CNTRL: variants seen among roughly 807,000 people sequenced by gnomAD.
CNTRL encodes 110 kDa centrosomal protein.
In CNTRL, 233 loss-of-function variants were observed where a neutral mutation model predicts 303.7. The observed-to-expected ratio is 0.77, with a 90% CI of 0.69 to 0.86. The LOEUF (loss-of-function observed/expected upper bound fraction) is 0.86. Among genes scored for constraint, CNTRL ranks in the 40% least tolerant of loss-of-function variants. The probability of loss-of-function intolerance (pLI) is 0.00; values close to 1 mark genes in which losing one functional copy is unlikely to be tolerated. For missense variants in CNTRL, 2,524 were observed against 2,650.6 expected, an observed-to-expected ratio of 0.95 and a Z score of 1.05; for synonymous variants, 900 against 922.2, an observed-to-expected ratio of 0.98 and a Z score of 0.44.
At chr9:121,094,801 A>G (rs538000876) in intron 4 of CNTRL, 87 bp from the exon 5 acceptor site, 19 of 1,020,236 alleles carry the variant, frequency 1.9e-5, no homozygotes, top group African/African-American at 1.7e-4. Context: ...TGACTGATCA[A>G]ACAGACCCTG....
intron 16 of CNTRL, 84 bp downstream of exon 16, chr9:121,138,763 C>A: frequency 7.1e-7 from 1 of 1,407,804 alleles, no homozygotes; most frequent in Non-Finnish European, 9.8e-7. Flanking sequence ...TAGCAACCTG[C>A]TCTAACATGT....
chr9:121,144,748 A>C, intron 20 of CNTRL, 95 bp from the exon 21 acceptor site: 2 of 951,730 alleles, frequency 2.1e-6, no homozygotes, highest in Non-Finnish European at 3.4e-6. Flanking sequence ...CTGGTAGGCA[A>C]TGTGATGAAA....
chr9:121,172,617 G>C (rs1483126196), intron 40 of CNTRL, among the ~76,000 whole-genome samples: 1 of 152,008 alleles, frequency 6.6e-6, no homozygotes, highest in Non-Finnish European at 1.5e-5. Context: ...CTCCAGCCTG[G>C]GTGACAGAGC....
intron 22 of CNTRL, 101 bp from the exon 23 acceptor site, chr9:121,146,007 G>A: frequency 9.5e-7 from 1 of 1,058,170 alleles, no homozygotes; most frequent in Non-Finnish European, 1.3e-6. Flanking sequence ...CAGCTTTGAG[G>A]AACTGATAAA....
intron 7 of CNTRL, among the ~76,000 whole-genome samples, chr9:121,099,215 A>G (rs1435060268): frequency 6.6e-6 from 1 of 152,158 alleles, no homozygotes; most frequent in Non-Finnish European, 1.5e-5. Context: ...CCAGAGGAAC[A>G]ATCAGGCAGC....
At position 121,177,414 on chromosome 9, in the gene CNTRL, C is replaced by T. The variant is rs981943726; in HGVS notation, c.*228C>T. 6 of 412,874 alleles carry T rather than the reference C, an allele frequency of 1.5e-5. No individual in the cohort carries two copies. Among genetic ancestry groups the T allele is most frequent in the Non-Finnish European group, 2.1e-5 (5 of 235,576 alleles). 25.6% of individuals were successfully genotyped at this position (412,874 alleles called of 1,614,324 possible). A position where few individuals can be genotyped will look rare whatever the true frequency, so the allele number is the denominator to read the frequency against. ...TATGGGAATTTAAACCAACATGTGG[C>T]TGAGCCTTTTTTTTTTTAATCTTCG... On this transcript the variant is annotated 3_prime_UTR_variant, in exon 44 of 44. Coordinates refer to ENST00000373855, the MANE Select transcript of CNTRL (RefSeq NM_007018.6).
At chr9:121,154,994 T>C in intron 27 of CNTRL, 81 bp downstream of exon 27, 1 of 1,240,032 alleles carries the variant, frequency 8.1e-7, no homozygotes, top group African/African-American at 1.5e-5. Flanking sequence ...AGAAAGAGAA[T>C]GTGTGTGATA....
chr9:121,128,705 A>G (rs1428861584), intron 14 of CNTRL, among the ~76,000 whole-genome samples: 1 of 152,116 alleles, frequency 6.6e-6, no homozygotes, highest in African/African-American at 2.4e-5. Context: ...TTTAGTCATG[A>G]AGTCCTTGCC....
intron 4 of CNTRL, among the ~76,000 whole-genome samples, chr9:121,091,478 A>C (rs1257947283): frequency 6.6e-6 from 1 of 152,156 alleles, no homozygotes; most frequent in Non-Finnish European, 1.5e-5. Flanking sequence ...ACAAAGGAAA[A>C]ATATTGACAG....
At chr9:121,155,689 G>A (rs1045984232) in intron 27 of CNTRL, among the ~76,000 whole-genome samples, 5 of 152,180 alleles carry the variant, frequency 3.3e-5, no homozygotes, top group African/African-American at 9.7e-5. Context: ...CTTTTATTGA[G>A]CCACTGCTGT....
intron 2 of CNTRL, among the ~76,000 whole-genome samples, chr9:121,086,185 G>A (rs1229196835): frequency 6.6e-6 from 1 of 152,194 alleles, no homozygotes; most frequent in East Asian, 1.9e-4. Context: ...CAACAAATAT[G>A]TATTGAGTTC....
intron 27 of CNTRL, 83 bp downstream of exon 27, chr9:121,154,996 T>A: frequency 8.1e-7 from 1 of 1,232,356 alleles, no homozygotes; most frequent in Non-Finnish European, 1.2e-6. Flanking sequence ...AAAGAGAATG[T>A]GTGTGATAAG....
At chr9:121,129,611 T>C (rs1205300907) in intron 14 of CNTRL, among the ~76,000 whole-genome samples, 1 of 152,210 alleles carries the variant, frequency 6.6e-6, no homozygotes, top group Admixed American at 6.5e-5. Flanking sequence ...CTTTTCCTAA[T>C]TGAATACCCT....
rs746278022 is a variant in CNTRL at position 121,135,792 on chromosome 9, C to T, written c.2026-14C>T. Reference sequence around the variant, plus strand: ...AGTGAGGGTTCCATAGTTAAACCCACTGAATCTTTCTAGGAGCTTGCAGAG... The same window carrying T: ...AGTGAGGGTTCCATAGTTAAACCCATTGAATCTTTCTAGGAGCTTGCAGAG... On this transcript the variant is annotated splice_polypyrimidine_tract_variant and intron_variant, in intron 14 of 43. Transcript: ENST00000373855. The T allele has an allele frequency of 3.1e-6, 5 of 1,596,904 alleles. No homozygotes were observed. In the South Asian group the frequency reaches 5.6e-5, roughly 18 times the overall value.
In CNTRL at chr9:121,075,088, A is replaced by T. The variant is rs917483281; in HGVS notation, c.-205+21A>T. 3.7e-5 allele frequency: 14 copies of T among 381,288 alleles called. No individual in the cohort carries two copies. The Admixed American group carries it at 4.2e-4, about 12-fold the overall frequency. The allele number at this position is 381,288 out of a possible 1,614,324, so 23.6% of individuals were successfully genotyped here. ...AGGCGGTGAGCGTCAGACCTGGCCG[A>T]GCCCGTTCCCCGGCATCCGGCCCGA... On this transcript the variant is annotated intron_variant, in intron 1 of 43. Coordinates refer to ENST00000373855, the MANE Select transcript of CNTRL (RefSeq NM_007018.6).
Position 121,160,937 on chromosome 9 carries a change from C to T in CNTRL, c.5089+635C>T, listed in dbSNP as rs1277141303. On this transcript the variant is annotated intron_variant, in intron 32 of 43. Coordinates refer to ENST00000373855, the MANE Select transcript of CNTRL (RefSeq NM_007018.6). The stretch of plus-strand genomic sequence containing the variant: ...AAGGCTGCAGTGAGCTATGATTATG[C>T]CACTATGCTTCAGCCTGGGAAACAG... Among the ~76,000 whole-genome samples the T allele has an allele frequency of 1.9e-4, 29 of 152,126 alleles. 1 individual carries two copies. Among genetic ancestry groups the T allele is most frequent in the Admixed American group, 1.9e-3 (29 of 15,276 alleles).
rs112682853 is a variant in CNTRL, at chr9:121,080,737, T to C, written c.-32+259T>C. Among the ~76,000 whole-genome samples, 11 of 152,314 alleles carry C rather than the reference T, an allele frequency of 7.2e-5. No homozygotes were observed. In the East Asian group the frequency reaches 2.1e-3, roughly 29 times the overall value. ...GAATTCCAAAAATTGAATATATTAA[T>C]AGATTATATTAGTGTAATCTCTCCT... On this transcript the variant is annotated intron_variant, in intron 2 of 43. Transcript: ENST00000373855.
intron 43 of CNTRL, 125 bp from the exon 44 acceptor site, chr9:121,177,038 A>AAAAC: frequency 1.3e-6 from 1 of 744,746 alleles, no homozygotes; most frequent in East Asian, 2.8e-5. Flanking sequence ...GGTTCATCTT[A>AAAAC]AAACATTTTT....
At chr9:121,162,024 G>T in intron 33 of CNTRL, 30 bp from the exon 34 acceptor site, 2 of 1,613,474 alleles carry the variant, frequency 1.2e-6, no homozygotes, top group Non-Finnish European at 1.7e-6. Flanking sequence ...TCTCATTTAA[G>T]ATGTTTGAGT....
Sources: gnomAD v4.1 joint callset for allele counts (sites outside exome capture counted in the v4.1 genomes callset) on GRCh38, gnomAD v4.1.1 for gene constraint, MANE v1.5 for transcripts, NCBI Gene and HGNC (gene_info 2026-07-23, HGNC 2026-07-21) for gene names.